The following RPTOR variants were observed in gnomAD, a reference collection of about 807,000 sequenced individuals.
The protein encoded by RPTOR is regulatory-associated protein of mTOR.
In RPTOR, 21 loss-of-function variants were observed where a neutral mutation model predicts 169.9. That is an observed-to-expected ratio of 0.12 (90% CI 0.09 to 0.18). The LOEUF is 0.18. Ranked by LOEUF, RPTOR falls within the 10% of genes least tolerant of loss-of-function variation. RPTOR has a pLI of 1.00. For synonymous variants in RPTOR, 732 were observed against 753.2 expected (o/e 0.97, Z 0.46); for missense variants, 1,133 against 1,855.9 (o/e 0.61, Z 7.16).
chr17:80,545,664 G>C lies in RPTOR; in HGVS notation c.35G>C (p.Gly12Ala), dbSNP rs763932975. The C allele has an allele frequency of 1.2e-6, 2 of 1,613,444 alleles. No individual in the cohort carries two copies. The highest frequency in any genetic ancestry group is 2.7e-5 in the African/African-American group (2 of 74,842). The change falls in exon 1 of 34, where the codon GGC becomes GCC. Residue 12 changes from glycine (G) to alanine (A), a missense_variant. Gly to Ala is a moderately conservative substitution (Grantham distance 60, BLOSUM62 0). Transcript: ENST00000306801. ...GAAATGCTGCAATCGCCTCTTCTGGGCCTGGGGGAGGAAGATGAGGCTGAT... is the reference window on the plus strand; with the variant it reads ...GAAATGCTGCAATCGCCTCTTCTGGCCCTGGGGGAGGAAGATGAGGCTGAT... Reference protein sequence around the residue: ...ESEMLQSPLLGLGEEDEADLT... With the variant: ...ESEMLQSPLLALGEEDEADLT...
chr17:80,665,380 T>G (rs1598203769), intron 3 of RPTOR, among the ~76,000 whole-genome samples: 1 of 5,402 alleles, frequency 1.9e-4, no homozygotes, highest in East Asian at 5.5e-3. Context: ...TTCCTTTCCT[T>G]TCCTTTCCTT....
intron 5 of RPTOR, among the ~76,000 whole-genome samples, chr17:80,737,803 T>TCCC (rs1567883256): frequency 7.3e-6 from 1 of 137,108 alleles, no homozygotes; most frequent in Non-Finnish European, 1.6e-5. Flanking sequence ...TCTCTTTTTC[T>TCCC]CCCCCGCCCC....
At chr17:80,882,949 C>G (rs1164149094) in intron 14 of RPTOR, among the ~76,000 whole-genome samples, 10 of 152,148 alleles carry the variant, frequency 6.6e-5, no homozygotes, top group African/African-American at 2.4e-4. Flanking sequence ...AGCGGAGGCA[C>G]AGAGGAAAGG....
At chr17:80,717,198 C>T (rs961389772) in intron 4 of RPTOR, among the ~76,000 whole-genome samples, 4 of 152,196 alleles carry the variant, frequency 2.6e-5, no homozygotes, top group Admixed American at 1.3e-4. Context: ...ATGCACCCCT[C>T]TCCTTGACTC....
intron 1 of RPTOR, among the ~76,000 whole-genome samples, chr17:80,588,984 A>G (rs1444638663): frequency 1.3e-5 from 2 of 152,162 alleles, no homozygotes; most frequent in Non-Finnish European, 2.9e-5. Flanking sequence ...CTTAAGGTCA[A>G]GATTTTGTCC....
chr17:80,634,171 CTGTG>C lies in RPTOR; in HGVS notation c.265+8385_265+8388del, dbSNP rs757736290. Among the ~76,000 whole-genome samples, 18 of 109,122 alleles carry C rather than the reference CTGTG, an allele frequency of 1.6e-4. No homozygotes were observed. The South Asian group carries it at 4.1e-3, about 25-fold the overall frequency. The allele number at this position is 109,122 out of a possible 152,430, so 71.6% of individuals were successfully genotyped here. On this transcript the variant is annotated intron_variant, in intron 2 of 33. Coordinates refer to ENST00000306801, the MANE Select transcript of RPTOR (RefSeq NM_020761.3). ...TGTGCGTACTGTGTGTGTGTGCATA[CTGTG>C]TGTGTGCGCATACTGTGTGTGCATA...
rs1464197460 is a variant in RPTOR, at chr17:80,721,372, CAG to C, written c.508-9187_508-9186del. 1.3e-5 allele frequency among the ~76,000 whole-genome samples: 2 copies of C among 151,460 alleles called. No homozygotes were observed. Among genetic ancestry groups the C allele is most frequent in the Admixed American group, 6.5e-5 (1 of 15,270 alleles). On this transcript the variant is annotated intron_variant, in intron 4 of 33. Coordinates refer to ENST00000306801, the MANE Select transcript of RPTOR (RefSeq NM_020761.3). The surrounding 1 kb of genome is among the most constrained non-coding windows in gnomAD (Gnocchi z 4.7). ...AAAAGGATGGCAAGTTGAGTAACCT[CAG>C]GGGTAAGCAAGGAGGTGTGAGAATC...
intron 6 of RPTOR, among the ~76,000 whole-genome samples, chr17:80,787,070 G>A (rs756958377): frequency 1.8e-4 from 28 of 152,172 alleles, no homozygotes; most frequent in Non-Finnish European, 2.5e-4. Flanking sequence ...CGCACCTGCC[G>A]CCCCCGCCCT....
At chr17:80,768,867 A>G (rs1359311502) in intron 6 of RPTOR, among the ~76,000 whole-genome samples, 1 of 152,186 alleles carries the variant, frequency 6.6e-6, no homozygotes, top group East Asian at 1.9e-4. Context: ...GTTAGGTCAC[A>G]TTGCATGCAA....
intron 1 of RPTOR, among the ~76,000 whole-genome samples, chr17:80,572,755 A>C (rs1319646142): frequency 6.6e-6 from 1 of 152,010 alleles, no homozygotes; most frequent in African/African-American, 2.4e-5. Flanking sequence ...CAAATCTCAA[A>C]ATCTTTCCAC....
intron 10 of RPTOR, among the ~76,000 whole-genome samples, chr17:80,841,445 G>A (rs202038681): frequency 3.3e-5 from 4 of 120,952 alleles, no homozygotes; most frequent in African/African-American, 6.5e-5. Context: ...CTCACCACAC[G>A]GCAGCTCACT....
At chr17:80,881,736 G>T (rs533040207) in intron 14 of RPTOR, among the ~76,000 whole-genome samples, 1 of 152,220 alleles carries the variant, frequency 6.6e-6, no homozygotes, top group African/African-American at 2.4e-5. Context: ...TGGGAGGATC[G>T]CCTGAGCCCG....
chr17:80,794,908 G>A (rs538140613), intron 7 of RPTOR, among the ~76,000 whole-genome samples: 20 of 152,228 alleles, frequency 1.3e-4, no homozygotes, highest in Non-Finnish European at 2.8e-4. Flanking sequence ...TAGAGGGGTG[G>A]AGAGTGTGGC....
At chr17:80,656,181 C>T (rs11650627) in intron 3 of RPTOR, among the ~76,000 whole-genome samples, 43,093 of 152,070 alleles carry the variant, frequency 0.28, 6,207 homozygotes, top group Middle Eastern at 0.33. Flanking sequence ...AGCGATTCTC[C>T]TGTCTCAGCC....
chr17:80,866,977 T>C (rs1470183058), intron 13 of RPTOR, among the ~76,000 whole-genome samples: 2 of 152,176 alleles, frequency 1.3e-5, no homozygotes, highest in Non-Finnish European at 2.9e-5. Context: ...GGAAGACGTA[T>C]TTGGATGACA....
Position 80,634,637 on chromosome 17 carries a change from GTGTGCATACTGTA to G in RPTOR, c.265+8850_265+8862del, listed in dbSNP as rs1293920288. Among the ~76,000 whole-genome samples the G allele has an allele frequency of 9.4e-3, 1,239 of 132,060 alleles. 181 individuals are homozygous for G. Among genetic ancestry groups the G allele is most frequent in the Non-Finnish European group, 0.013 (805 of 60,794 alleles). 86.6% of individuals were successfully genotyped at this position (132,060 alleles called of 152,430 possible). On this transcript the variant is annotated intron_variant, in intron 2 of 33. Transcript: ENST00000306801. Reference sequence around the variant, plus strand: ...TACTGTGTGCGTGTGCGTACTGTGTGTGTGCATACTGTATGTGCGTACTGTGTGTGTGCGTACT... The same window carrying G: ...TACTGTGTGCGTGTGCGTACTGTGTGTGTGCGTACTGTGTGTGTGCGTACT...
At position 80,845,280 on chromosome 17, in the gene RPTOR, G is replaced by A. The variant is rs953236800; in HGVS notation, c.1213-1193G>A. Among the ~76,000 whole-genome samples, 16 of 152,074 alleles carry A rather than the reference G, an allele frequency of 1.1e-4. No individual in the cohort carries two copies. Among genetic ancestry groups the A allele is most frequent in the Non-Finnish European group, 1.6e-4 (11 of 68,008 alleles). Reference sequence around the variant, plus strand: ...ACCCGGTGTGGCCCACGGAGAACTCGTGTCACCCCCTCGAGGGGCCCTGAT... The same window carrying A: ...ACCCGGTGTGGCCCACGGAGAACTCATGTCACCCCCTCGAGGGGCCCTGAT... On this transcript the variant is annotated intron_variant, in intron 10 of 33. Transcript: ENST00000306801. This position sits in a 1 kb window ranked among gnomAD's most constrained non-coding sequence, Gnocchi z 5.4.
chr17:80,889,605 G>A (rs1443478131), intron 17 of RPTOR, among the ~76,000 whole-genome samples: 3 of 152,190 alleles, frequency 2.0e-5, no homozygotes, highest in Non-Finnish European at 2.9e-5. Flanking sequence ...CACACCCCTG[G>A]CTGAGCACCT....
chr17:80,897,521 T>A (rs1323619675), intron 20 of RPTOR, among the ~76,000 whole-genome samples: 1 of 152,208 alleles, frequency 6.6e-6, no homozygotes, highest in South Asian at 2.1e-4. Context: ...TGCATGGCTG[T>A]TTGTTAGGGT....
Sources: gnomAD v4.1 joint callset for allele counts (sites outside exome capture counted in the v4.1 genomes callset) on GRCh38, gnomAD v4.1.1 for gene constraint, Gnocchi (gnomAD v3.1) non-coding constraint, MANE v1.5 for transcripts, NCBI Gene and HGNC (gene_info 2026-07-23, HGNC 2026-07-21) for gene names.